TEP1: variants seen among roughly 807,000 people sequenced by gnomAD.
TEP1 encodes the protein telomerase protein component 1.
A neutral mutation model predicts 306.3 loss-of-function variants in TEP1; 241 were observed. That is an observed-to-expected ratio of 0.79 (90% CI 0.71 to 0.88). The LOEUF is 0.88. TEP1 is among the 40% of genes least tolerant of loss of function. TEP1 has a pLI of 0.00. For synonymous variants in TEP1, 1,289 were observed against 1,305.5 expected (o/e 0.99, Z 0.27); for missense variants, 3,051 against 3,276.1 (o/e 0.93, Z 1.68).
Position 20,395,921 on chromosome 14 carries a change from G to C in TEP1, c.1688C>G (p.Pro563Arg), listed in dbSNP as rs1878164888. 3.7e-6 allele frequency: 6 copies of C among 1,614,110 alleles called. No individual in the cohort carries two copies. Among genetic ancestry groups the C allele is most frequent in the Non-Finnish European group, 5.1e-6 (6 of 1,179,996 alleles). Residue 563 changes from proline to arginine, a missense_variant, in exon 11 of 55, where the codon CCA (proline) becomes CGA (arginine). Pro to Arg is a moderately radical substitution (Grantham distance 103, BLOSUM62 -2). Around this residue, in one of 3 missense-constraint regions of TEP1, gnomAD observed 1,507 missense variants for 1,550.5 expected, o/e 0.97. Transcript: ENST00000262715. ...AKSVIHSRQFPFRFLNAHDAI... is the reference protein window; with the variant it reads ...AKSVIHSRQFRFRFLNAHDAI... ...ATCATGGGCGTTAAGAAATCTGAAT[G>C]GAAACTGCCGACTGTGGATCACCGA...
Position 20,380,260 on chromosome 14 carries a change from G to A in TEP1, c.4978C>T (p.Pro1660Ser), listed in dbSNP as rs761817163. ...LQHTLRWLNK[P>S]RTMKNQQSSS... ...CTTTGCTGATTTTTCATGGTCCGGG[G>A]TTTATTAAGCCATCGTAGTGTGTGT... is the stretch of plus-strand genomic sequence containing the variant. Residue 1660 changes from proline to serine, a missense_variant, in exon 34 of 55, where the codon CCC becomes TCC. This residue lies in a region of TEP1 where 1,540 missense variants were observed against 1,705.9 expected (regional missense o/e 0.90). Coordinates refer to ENST00000262715, the MANE Select transcript of TEP1 (RefSeq NM_007110.5). 5 of 1,614,036 alleles carry A rather than the reference G, an allele frequency of 3.1e-6. No individual in the cohort carries two copies. Among genetic ancestry groups the A allele is most frequent in the Non-Finnish European group, 4.2e-6 (5 of 1,180,044 alleles).
rs2228036 is a variant in TEP1, at chr14:20,395,518, C to A, written c.1860G>T (p.Arg620=). The change falls in exon 12 of 55, where the codon CGG becomes CGT. Residue 620 remains arginine (R), a synonymous_variant. Coordinates refer to ENST00000262715, the MANE Select transcript of TEP1 (RefSeq NM_007110.5). ...ACAACACAGGTATCCTCATTGCCATCCGAAGCTGCTGACGGCTTAGGTGGC... is the reference window on the plus strand; with the variant it reads ...ACAACACAGGTATCCTCATTGCCATACGAAGCTGCTGACGGCTTAGGTGGC... ...FLCHLSRQQL[R]MAMRIPVLYE... The A allele has an allele frequency of 0.31, 502,410 of 1,613,236 alleles. 81,774 individuals carry two copies. The highest frequency in any genetic ancestry group is 0.34 in the Non-Finnish European group (401,993 of 1,179,460).
intron 7 of TEP1, among the ~76,000 whole-genome samples, chr14:20,402,269 C>A (rs1373976343): frequency 1.3e-5 from 2 of 152,166 alleles, no homozygotes; most frequent in Non-Finnish European, 2.9e-5. Flanking sequence ...GACAGCACCA[C>A]TGCACTCCAG....
At position 20,383,900 on chromosome 14, in the gene TEP1, G is replaced by T; in HGVS notation, c.3553C>A (p.Leu1185Met). The T allele has an allele frequency of 6.2e-7, 1 of 1,600,386 alleles. No individual in the cohort carries two copies. Among genetic ancestry groups the T allele is most frequent in the Non-Finnish European group, 8.5e-7 (1 of 1,178,766 alleles). Residue 1185 changes from leucine to methionine, a missense_variant, in exon 25 of 55, where the codon CTG becomes ATG. Leu to Met is a conservative substitution (Grantham distance 15). Coordinates refer to ENST00000262715, the MANE Select transcript of TEP1 (RefSeq NM_007110.5). ...ACCTTGGCCCCATCAGGAGCCTGCAGGGCTGACACAAGAGATGCCTGCATG... is the reference window on the plus strand; with the variant it reads ...ACCTTGGCCCCATCAGGAGCCTGCATGGCTGACACAAGAGATGCCTGCATG... ...TAFLASLVSA[L>M]QAPDGAKVAS...
intron 12 of TEP1, among the ~76,000 whole-genome samples, chr14:20,395,023 TACAC>T (rs1292878436): frequency 1.3e-5 from 2 of 151,248 alleles, no homozygotes; most frequent in African/African-American, 4.9e-5. Flanking sequence ...TATTTCAAAA[TACAC>T]ACACACACAA....
At chr14:20,380,779 G>C in intron 33 of TEP1, 152 bp downstream of exon 33, 1 of 710,726 alleles carries the variant, frequency 1.4e-6, no homozygotes. Context: ...AGAGTCACGT[G>C]CTCACCCTCT....
chr14:20,402,024 C>G (rs1878801882), intron 7 of TEP1, among the ~76,000 whole-genome samples: 1 of 152,130 alleles, frequency 6.6e-6, no homozygotes. Context: ...GCCTATAAAC[C>G]TAACACTTTG....
chr14:20,412,515 AAC>A (rs1203410719), intron 1 of TEP1, among the ~76,000 whole-genome samples: 2 of 152,162 alleles, frequency 1.3e-5, no homozygotes, highest in Non-Finnish European at 1.5e-5. Flanking sequence ...GTTTTATACT[AAC>A]AGTTTCACAG....
chr14:20,397,106 C>G (rs1162960516), intron 9 of TEP1, among the ~76,000 whole-genome samples: 3 of 152,168 alleles, frequency 2.0e-5, no homozygotes, highest in Non-Finnish European at 2.9e-5. Flanking sequence ...TATGGGATGG[C>G]TGTTATGTTA....
intron 54 of TEP1, 68 bp from the exon 55 acceptor site, chr14:20,368,627 A>G: frequency 6.3e-7 from 1 of 1,598,948 alleles, no homozygotes; most frequent in Non-Finnish European, 8.6e-7. Context: ...TTTTTCTCAC[A>G]TTAATGCCTT....
chr14:20,380,151 C>T, intron 34 of TEP1, 84 bp downstream of exon 34: 2 of 1,580,474 alleles, frequency 1.3e-6, no homozygotes, highest in South Asian at 2.4e-5. Flanking sequence ...TCCAGTGTTT[C>T]TGGTCATCCT....
chr14:20,384,138 C>T lies in TEP1; in HGVS notation c.3434G>A (p.Arg1145Gln), dbSNP rs747328928. Reference sequence around the variant, plus strand: ...CACTGTGTCCTGAAGAAGGCGTGGCCGGGCAGGACTCGGTGGCTTCTGCAG... The same window carrying T: ...CACTGTGTCCTGAAGAAGGCGTGGCTGGGCAGGACTCGGTGGCTTCTGCAG... ...QQLQKPPSPA[R>Q]PRLLQDTVQR... Residue 1145 changes from arginine (R) to glutamine (Q), a missense_variant, in exon 24 of 55, where the codon CGG (arginine) becomes CAG (glutamine). Arg to Gln is a conservative substitution (Grantham distance 43, BLOSUM62 1). Coordinates refer to ENST00000262715, the MANE Select transcript of TEP1 (RefSeq NM_007110.5). 48 of 1,614,014 alleles carry T rather than the reference C, an allele frequency of 3.0e-5. No homozygotes were observed. Among genetic ancestry groups the T allele is most frequent in the South Asian group, 5.5e-5 (5 of 91,084 alleles).
intron 1 of TEP1, among the ~76,000 whole-genome samples, chr14:20,411,843 T>C (rs551081304): frequency 1.2e-4 from 18 of 152,080 alleles, no homozygotes; most frequent in South Asian, 2.1e-4. Context: ...CTGGGTGTGG[T>C]GGCTCACACC....
chr14:20,383,157 C>A lies in TEP1; in HGVS notation c.4047+17G>T. On this transcript the variant is annotated intron_variant, in intron 27 of 54. Coordinates refer to ENST00000262715, the MANE Select transcript of TEP1 (RefSeq NM_007110.5). ...GATTCACCCCACACACCCACCGGCC[C>A]CGGCCTAGAACCCAACCTGGTTGTT... 1 of 1,568,400 alleles carries A rather than the reference C, an allele frequency of 6.4e-7. No homozygotes were observed. The highest frequency in any genetic ancestry group is 1.4e-5 in the African/African-American group (1 of 73,578).
rs1877657943 is a variant in TEP1, at chr14:20,390,990, T to C, written c.2204A>G (p.Lys735Arg). 1 of 1,614,046 alleles carries C rather than the reference T, an allele frequency of 6.2e-7. No homozygotes were observed. The highest frequency in any genetic ancestry group is 8.5e-7 in the Non-Finnish European group (1 of 1,180,040). The change falls in exon 14 of 55, where the codon AAG becomes AGG. Residue 735 changes from lysine (K) to arginine (R), a missense_variant. Physicochemically the swap from Lys to Arg is conservative, Grantham distance 26. Transcript: ENST00000262715. Reference sequence around the variant, plus strand: ...AGTCTTCAGGATGCCTTCTTCTGCCTTAAGCACTGCAGTCTTCAGAGTGTC... The same window carrying C: ...AGTCTTCAGGATGCCTTCTTCTGCCCTAAGCACTGCAGTCTTCAGAGTGTC... Reference protein sequence around the residue: ...GGDTLKTAVLKAEEGILKTAI... With the variant: ...GGDTLKTAVLRAEEGILKTAI...
Position 20,389,041 on chromosome 14 carries a change from G to A in TEP1, c.2525+197C>T, listed in dbSNP as rs566004922. ...TGCATGTCTGTAGTCCCAGGTACTC[G>A]GGAGGCGGAGGCAGGAGGATCGCTT... is the stretch of plus-strand genomic sequence containing the variant. On this transcript the variant is annotated intron_variant, in intron 17 of 54. Transcript: ENST00000262715. Among the ~76,000 whole-genome samples the A allele has an allele frequency of 6.6e-5, 10 of 152,110 alleles. 1 individual carries two copies. The highest frequency in any genetic ancestry group is 4.6e-4 in the Admixed American group (7 of 15,272).
At chr14:20,397,251 A>G (rs1878282029) in intron 9 of TEP1, among the ~76,000 whole-genome samples, 1 of 152,236 alleles carries the variant, frequency 6.6e-6, no homozygotes, top group Non-Finnish European at 1.5e-5. Context: ...TTTATGAAGT[A>G]TATACTAACA....
In TEP1 at chr14:20,377,380, T is replaced by C; in HGVS notation, c.5988A>G (p.Ala1996=). Residue 1996 remains alanine, a synonymous_variant, in exon 41 of 55, where the codon GCA becomes GCG. Coordinates refer to ENST00000262715, the MANE Select transcript of TEP1 (RefSeq NM_007110.5). Reference sequence around the variant, plus strand: ...GGGACTGAAGGGAGCATTCCTTGAGTGCCCAGCCCTGCAAGGACCCATCTT... The same window carrying C: ...GGGACTGAAGGGAGCATTCCTTGAGCGCCCAGCCCTGCAAGGACCCATCTT... ...GAEDGSLQGW[A]LKECSLQSLW... 1 of 1,614,080 alleles carries C rather than the reference T, an allele frequency of 6.2e-7. No homozygotes were observed. Among genetic ancestry groups the C allele is most frequent in the Non-Finnish European group, 8.5e-7 (1 of 1,180,004 alleles).
intron 18 of TEP1, 147 bp from the exon 19 acceptor site, chr14:20,386,770 C>T (rs981265649): frequency 1.4e-5 from 12 of 849,326 alleles, no homozygotes; most frequent in Non-Finnish European, 2.0e-5. Flanking sequence ...AGAGAAGCAC[C>T]TGCTAGTGGT....
Sources: gnomAD v4.1 joint callset for allele counts (sites outside exome capture counted in the v4.1 genomes callset) on GRCh38, gnomAD v4.1.1 for gene constraint, gnomAD v4.1.1 regional missense constraint, MANE v1.5 for transcripts, NCBI Gene and HGNC (gene_info 2026-07-23, HGNC 2026-07-21) for gene names.